Variants in ZFAT observed in about 807,000 individuals in gnomAD.
The protein encoded by ZFAT is zinc finger protein ZFAT.
In ZFAT, 64 loss-of-function variants were observed where a neutral mutation model predicts 117.7. The observed-to-expected ratio is 0.54, with a 90% CI of 0.44 to 0.67. The LOEUF is 0.67. ZFAT is among the 30% of genes least tolerant of loss of function. The probability of loss-of-function intolerance (pLI) is 0.00; values close to 1 mark genes in which losing one functional copy is unlikely to be tolerated. For synonymous variants in ZFAT, 679 were observed against 615.0 expected (o/e 1.10, Z -1.54); for missense variants, 1,433 against 1,584.5 (o/e 0.90, Z 1.62).
At chr8:134,828,199 T>C in the ZFAT span, among the ~76,000 whole-genome samples, 1 of 152,180 alleles carries the variant, frequency 6.6e-6, no homozygotes, top group African/African-American at 2.4e-5. Flanking sequence ...TTAATCTTCA[T>C]TTTTACTCAT....
At chr8:134,783,445 T>C in the ZFAT span, among the ~76,000 whole-genome samples, 1 of 152,140 alleles carries the variant, frequency 6.6e-6, no homozygotes, top group Non-Finnish European at 1.5e-5. Flanking sequence ...TGATCTGAGG[T>C]GGAACAGTTT....
intron 3 of ZFAT, among the ~76,000 whole-genome samples, chr8:134,629,889 T>C (rs1181010239): frequency 3.9e-5 from 6 of 152,234 alleles, no homozygotes; most frequent in Non-Finnish European, 8.8e-5. Context: ...ACAGATGCTC[T>C]TCTGAGCCAA....
the ZFAT span, among the ~76,000 whole-genome samples, chr8:134,825,273 G>C: frequency 6.6e-6 from 1 of 152,172 alleles, no homozygotes; most frequent in African/African-American, 2.4e-5. Flanking sequence ...ACAATGATTA[G>C]CTCAACATGT....
intron 1 of ZFAT, among the ~76,000 whole-genome samples, chr8:134,710,731 A>G (rs190961986): frequency 1.6e-4 from 25 of 152,334 alleles, no homozygotes; most frequent in African/African-American, 4.8e-4. Flanking sequence ...GTCTGAAGGT[A>G]ATTTTACAAT....
intron 15 of ZFAT, among the ~76,000 whole-genome samples, chr8:134,480,693 GCAGCAAGTGTGT>G (rs1817239479): frequency 1.3e-5 from 2 of 152,134 alleles, no homozygotes; most frequent in Non-Finnish European, 2.9e-5. Context: ...GGTGTAGGGA[GCAGCAAGTGTGT>G]TCGGGCAGCC....
intron 13 of ZFAT, among the ~76,000 whole-genome samples, chr8:134,513,832 A>G (rs1442083364): frequency 3.3e-5 from 5 of 152,246 alleles, no homozygotes; most frequent in Non-Finnish European, 7.3e-5. Flanking sequence ...ATTCCTTCAC[A>G]GCCAACTGGC....
chr8:134,538,531 C>G (rs1366978280), intron 11 of ZFAT, among the ~76,000 whole-genome samples: 3 of 152,180 alleles, frequency 2.0e-5, no homozygotes, highest in African/African-American at 7.2e-5. Context: ...GGCGCAGTGG[C>G]TCACGCCTGT....
intron 12 of ZFAT, among the ~76,000 whole-genome samples, chr8:134,522,386 C>G (rs7015197): frequency 0.15 from 22,806 of 152,268 alleles, 1,979 homozygotes; most frequent in Non-Finnish European, 0.19. Context: ...TTCAGTCACC[C>G]ATATGATTAT....
chr8:134,754,688 A>G, the ZFAT span, among the ~76,000 whole-genome samples: 67,004 of 152,120 alleles, frequency 0.44, 14,800 homozygotes, highest in Admixed American at 0.49. Context: ...CCCTTCTTCA[A>G]AACACCCAGA....
intron 1 of ZFAT, among the ~76,000 whole-genome samples, chr8:134,693,806 T>C (rs1004396488): frequency 3.3e-5 from 5 of 152,100 alleles, no homozygotes; most frequent in African/African-American, 1.2e-4. Flanking sequence ...CTGTCTCAAA[T>C]AGCTCACCAC....
intron 15 of ZFAT, among the ~76,000 whole-genome samples, chr8:134,490,751 C>G (rs1034673973): frequency 6.6e-6 from 1 of 152,194 alleles, no homozygotes; most frequent in South Asian, 2.1e-4. Context: ...CCCTTTACCC[C>G]TCCCTGCATT....
intron 2 of ZFAT, among the ~76,000 whole-genome samples, chr8:134,656,632 T>A (rs1279916106): frequency 6.6e-6 from 1 of 152,182 alleles, no homozygotes; most frequent in Non-Finnish European, 1.5e-5. Flanking sequence ...GTCCGACAGA[T>A]GATGAATAGC....
At position 134,680,261 on chromosome 8, in the gene ZFAT, CAAAAAAAAAA is replaced by C. The variant is rs35292754; in HGVS notation, c.20-22534_20-22525del. Among the ~76,000 whole-genome samples, 4 of 48,920 alleles carry C rather than the reference CAAAAAAAAAA, an allele frequency of 8.2e-5. No homozygotes were observed. The East Asian group carries it at 3.5e-3, about 43-fold the overall frequency. 32.1% of individuals were successfully genotyped at this position (48,920 alleles called of 152,430 possible). ...TGGGTGACAGAGCCAGACTCCCCCT[CAAAAAAAAAA>C]AAAAAAAAAAGAATTTGAAGCAAAG... On this transcript the variant is annotated intron_variant, in intron 1 of 15. Transcript: ENST00000377838.
chr8:134,576,679 C>G (rs556475171), intron 10 of ZFAT, among the ~76,000 whole-genome samples: 41 of 152,138 alleles, frequency 2.7e-4, no homozygotes, highest in African/African-American at 9.9e-4. Context: ...TGGAGGAAAA[C>G]AAAACAAAAC....
At chr8:134,593,665 C>A (rs548347685) in intron 7 of ZFAT, among the ~76,000 whole-genome samples, 1 of 152,330 alleles carries the variant, frequency 6.6e-6, no homozygotes, top group Admixed American at 6.5e-5. Flanking sequence ...GGCTCACAGC[C>A]CAGCTCTCTG....
chr8:134,798,241 GA>G, the ZFAT span: 1 of 151,796 alleles, frequency 6.6e-6, no homozygotes, highest in Admixed American at 6.6e-5. Context: ...AAAATTCACA[GA>G]AAAAAGTTCA....
At chr8:134,532,360 C>T (rs928930859) in intron 12 of ZFAT, among the ~76,000 whole-genome samples, 5 of 152,022 alleles carry the variant, frequency 3.3e-5, no homozygotes, top group African/African-American at 1.2e-4. Context: ...TCTAAAAATC[C>T]CACAATGTTC....
At chr8:134,730,053 T>C in the ZFAT span, among the ~76,000 whole-genome samples, 1 of 152,234 alleles carries the variant, frequency 6.6e-6, no homozygotes, top group Non-Finnish European at 1.5e-5. Flanking sequence ...CTGCCTGCCA[T>C]CTGGATTTGG....
At chr8:134,806,902 A>C in the ZFAT span, among the ~76,000 whole-genome samples, 3 of 152,348 alleles carry the variant, frequency 2.0e-5, no homozygotes, top group East Asian at 5.8e-4. Context: ...TAAGAAGGTA[A>C]AGTCTAATGA....
Sources: gnomAD v4.1 joint callset for allele counts (sites outside exome capture counted in the v4.1 genomes callset) on GRCh38, gnomAD v4.1.1 for gene constraint, MANE v1.5 for transcripts, NCBI Gene and HGNC (gene_info 2026-07-23, HGNC 2026-07-21) for gene names.